Variants in BRINP3 observed in about 807,000 individuals in gnomAD.
The protein encoded by BRINP3 is BMP/retinoic acid-inducible neural-specific protein 3.
A neutral mutation model predicts 71.0 loss-of-function variants in BRINP3; 19 were observed. That is an observed-to-expected ratio of 0.27 (90% confidence interval 0.19 to 0.39). BRINP3 has a LOEUF of 0.39. Ranked by LOEUF, BRINP3 falls within the 10% of genes least tolerant of loss-of-function variation. The pLI, the probability that BRINP3 is intolerant of heterozygous loss-of-function variation, is 1.00. For missense variants in BRINP3, 959 were observed against 940.8 expected (o/e 1.02, Z -0.25); for synonymous variants, 380 against 337.7 (o/e 1.13, Z -1.37).
rs144098622 is a variant in BRINP3 at position 190,309,729 on chromosome 1, C to A, written c.237-27979G>T. ...TTTGTGAGAAATCCAATTTTATTTT[C>A]CCTGATTATTTATATAAGGAAGAAT... On this transcript the variant is annotated intron_variant, in intron 2 of 7. Transcript: ENST00000367462. Among the ~76,000 whole-genome samples the A allele has an allele frequency of 5.4e-3, 820 of 151,668 alleles. 5 individuals carry two copies. Among genetic ancestry groups the A allele is most frequent in the African/African-American group, 0.018 (752 of 41,460 alleles).
chr1:190,120,560 A>G (rs1016695541), intron 7 of BRINP3, among the ~76,000 whole-genome samples: 3 of 151,848 alleles, frequency 2.0e-5, no homozygotes, highest in Admixed American at 6.6e-5. Flanking sequence ...CAGTGGTGCA[A>G]TCTTGGCTCA....
At chr1:190,308,159 C>T (rs532546113) in intron 2 of BRINP3, among the ~76,000 whole-genome samples, 15 of 151,954 alleles carry the variant, frequency 9.9e-5, no homozygotes, top group South Asian at 4.1e-4. Context: ...TTAAGGGCAA[C>T]GTAGACATAA....
At chr1:190,431,998 T>C (rs1370033229) in intron 2 of BRINP3, among the ~76,000 whole-genome samples, 1 of 152,082 alleles carries the variant, frequency 6.6e-6, no homozygotes, top group African/African-American at 2.4e-5. Flanking sequence ...CAAATAATGC[T>C]ATTAAAAGGA....
intron 2 of BRINP3, among the ~76,000 whole-genome samples, chr1:190,443,634 G>T (rs72731180): frequency 0.13 from 19,238 of 152,104 alleles, 1,339 homozygotes; most frequent in Non-Finnish European, 0.13. Flanking sequence ...TTCCCAGAAA[G>T]ATGTTGTAAA....
chr1:190,445,298 A>AG (rs1459870973), intron 2 of BRINP3, among the ~76,000 whole-genome samples: 1 of 152,154 alleles, frequency 6.6e-6, no homozygotes, highest in Non-Finnish European at 1.5e-5. Flanking sequence ...TTTGAAAATG[A>AG]GGGTCTAATC....
At chr1:190,129,806 A>G (rs1440681928) in intron 7 of BRINP3, among the ~76,000 whole-genome samples, 1 of 151,990 alleles carries the variant, frequency 6.6e-6, no homozygotes, top group South Asian at 2.1e-4. Flanking sequence ...TACTTCTAAA[A>G]TCAAGACAGA....
At chr1:190,184,156 G>A (rs954608584) in intron 6 of BRINP3, among the ~76,000 whole-genome samples, 8 of 152,134 alleles carry the variant, frequency 5.3e-5, no homozygotes, top group Non-Finnish European at 1.2e-4. Flanking sequence ...GAATGTGAAT[G>A]TCTCTGCACT....
At position 190,472,992 on chromosome 1, in the gene BRINP3, G is replaced by A. The variant is rs547480788; in HGVS notation, c.-51+4456C>T. 1.1e-4 allele frequency among the ~76,000 whole-genome samples: 16 copies of A among 151,964 alleles called. No individual in the cohort carries two copies. The South Asian group carries it at 3.1e-3, about 30-fold the overall frequency. On this transcript the variant is annotated intron_variant, in intron 1 of 7. Transcript: ENST00000367462. ...TTTCTTAAGATAAGATATCCTATGA[G>A]AGGATGAAATCACGTAATATTATCT...
intron 2 of BRINP3, among the ~76,000 whole-genome samples, chr1:190,360,265 G>T (rs967742404): frequency 6.6e-6 from 1 of 152,186 alleles, no homozygotes; most frequent in Admixed American, 6.6e-5. Flanking sequence ...TCTAATTAGA[G>T]AAACTGCATA....
chr1:190,405,560 A>C (rs1672230062), intron 2 of BRINP3, among the ~76,000 whole-genome samples: 1 of 147,608 alleles, frequency 6.8e-6, no homozygotes, highest in African/African-American at 2.5e-5. Flanking sequence ...AGCTCTGTTG[A>C]TGCTGCAAGA....
chr1:190,477,396 T>C (rs1677568541), intron 1 of BRINP3, 52 bp downstream of exon 1: 1 of 152,072 alleles, frequency 6.6e-6, no homozygotes. Flanking sequence ...ACAGAGCTTA[T>C]TAAAAATAGC....
At chr1:190,210,117 T>C (rs962354657) in intron 6 of BRINP3, among the ~76,000 whole-genome samples, 6 of 152,114 alleles carry the variant, frequency 3.9e-5, no homozygotes, top group Non-Finnish European at 7.4e-5. Flanking sequence ...GGTATGAATG[T>C]ACTCAGTATT....
intron 2 of BRINP3, among the ~76,000 whole-genome samples, chr1:190,285,986 C>T (rs1481342082): frequency 6.6e-6 from 1 of 152,096 alleles, no homozygotes; most frequent in East Asian, 1.9e-4. Context: ...TAACTATCTT[C>T]CCATCATAAC....
intron 2 of BRINP3, among the ~76,000 whole-genome samples, chr1:190,291,941 A>G (rs944063560): frequency 6.6e-6 from 1 of 152,186 alleles, no homozygotes; most frequent in Non-Finnish European, 1.5e-5. Context: ...ATATGTACAC[A>G]ATGGAGTACT....
chr1:190,159,110 A>C (rs751556016), intron 7 of BRINP3, among the ~76,000 whole-genome samples: 10 of 152,138 alleles, frequency 6.6e-5, no homozygotes, highest in Non-Finnish European at 1.5e-4. Flanking sequence ...TGTTCAAAGC[A>C]CATGAAAAGA....
intron 2 of BRINP3, among the ~76,000 whole-genome samples, chr1:190,389,738 T>C (rs1173464102): frequency 2.0e-5 from 3 of 151,830 alleles, no homozygotes; most frequent in African/African-American, 7.2e-5. Flanking sequence ...GATATTACTA[T>C]TGGAACGGAA....
intron 1 of BRINP3, among the ~76,000 whole-genome samples, chr1:190,460,587 T>G (rs1407403870): frequency 6.6e-6 from 1 of 152,172 alleles, no homozygotes; most frequent in Non-Finnish European, 1.5e-5. Flanking sequence ...ATGATAAGTT[T>G]TGAGACAGAG....
intron 2 of BRINP3, among the ~76,000 whole-genome samples, chr1:190,323,918 T>C (rs1666413771): frequency 6.6e-6 from 1 of 151,944 alleles, no homozygotes; most frequent in Non-Finnish European, 1.5e-5. Flanking sequence ...ACTAAATAAA[T>C]TGTTGTTGAA....
intron 4 of BRINP3, among the ~76,000 whole-genome samples, chr1:190,247,803 T>C (rs767366089): frequency 3.3e-5 from 5 of 151,932 alleles, no homozygotes; most frequent in South Asian, 2.1e-4. Context: ...AGCTATTCCA[T>C]GTTGGCGCGA....
Sources: allele counts gnomAD v4.1 joint callset (sites outside exome capture counted in the v4.1 genomes callset), GRCh38; gene constraint gnomAD v4.1.1; transcripts MANE v1.5; gene names NCBI Gene and HGNC (gene_info 2026-07-23, HGNC 2026-07-21).